Variants in NOTCH2NLB observed in about 807,000 individuals in gnomAD.
NOTCH2NLB encodes notch 2 N-terminal like B.
In NOTCH2NLB, 1 loss-of-function variant was observed where a neutral mutation model predicts 14.8. That is an observed-to-expected ratio of 0.07 (90% CI 0.02 to 0.32). NOTCH2NLB has a LOEUF of 0.32. NOTCH2NLB is among the 10% of genes least tolerant of loss of function. NOTCH2NLB has a pLI of 1.00. For synonymous variants in NOTCH2NLB, 6 were observed against 57.5 expected, an observed-to-expected ratio of 0.10 and a Z score of 4.05; for missense variants, 11 against 155.0, an observed-to-expected ratio of 0.07 and a Z score of 4.93.
chr1:148,674,711 A>G (rs1172929210), intron 1 of NOTCH2NLB, among the ~76,000 whole-genome samples: 1 of 90,194 alleles, frequency 1.1e-5, no homozygotes, highest in Non-Finnish European at 2.4e-5. Context: ...CTGTAGTACA[A>G]AGAAATGTGT....
At chr1:148,610,421 T>G (rs1396667924) in intron 3 of NOTCH2NLB, among the ~76,000 whole-genome samples, 1 of 127,350 alleles carries the variant, frequency 7.9e-6, no homozygotes, top group African/African-American at 3.3e-5. Flanking sequence ...GAATCAACCC[T>G]GAATTTGGTT....
At position 148,637,235 on chromosome 1, in the gene NOTCH2NLB, A is replaced by G. The variant is rs1222453415; in HGVS notation, c.77+2781T>C. Among the ~76,000 whole-genome samples the G allele has an allele frequency of 2.1e-5, 3 of 143,310 alleles. 1 individual carries two copies. The highest frequency in any genetic ancestry group is 4.6e-5 in the Non-Finnish European group (3 of 65,516). The allele number at this position is 143,310 out of a possible 152,430, so 94.0% of individuals were successfully genotyped here. A position where few individuals can be genotyped will look rare whatever the true frequency, so the allele number is the denominator to read the frequency against. On this transcript the variant is annotated intron_variant, in intron 2 of 4. Coordinates refer to ENST00000593495, the Ensembl canonical transcript of NOTCH2NLB. ...AGGTGCGTGCCACCACGCCCAGCTA[A>G]TTTTTTGCATTTTTAGTAGAGATGG... is the stretch of plus-strand genomic sequence containing the variant.
chr1:148,661,297 T>TA (rs1158055796), intron 1 of NOTCH2NLB, among the ~76,000 whole-genome samples: 2 of 149,322 alleles, frequency 1.3e-5, no homozygotes, highest in East Asian at 1.9e-4. Context: ...GGCACTATTA[T>TA]AAAAAAAGTT....
chr1:148,625,339 CTTTT>C lies in NOTCH2NLB; in HGVS notation c.78-9393_78-9390del, dbSNP rs1156615359. 1.0e-4 allele frequency among the ~76,000 whole-genome samples: 6 copies of C among 59,874 alleles called. 2 individuals are homozygous for C. Among genetic ancestry groups the C allele is most frequent in the Non-Finnish European group, 1.9e-4 (6 of 32,254 alleles). 39.3% of individuals were successfully genotyped at this position (59,874 alleles called of 152,430 possible). Reference sequence around the variant, plus strand: ...GGCTTTGCTGCAGCTCTGTCTTTAGCTTTTTTTTTTTTTTTTTTTTAAAACGAGG... The same window carrying C: ...GGCTTTGCTGCAGCTCTGTCTTTAGCTTTTTTTTTTTTTTTTAAAACGAGG... On this transcript the variant is annotated intron_variant, in intron 2 of 4. Coordinates refer to ENST00000593495, the Ensembl canonical transcript of NOTCH2NLB.
chr1:148,680,719 G>A (rs1664921753), upstream of NOTCH2NLB, among the ~76,000 whole-genome samples: 1 of 146,748 alleles, frequency 6.8e-6, no homozygotes, highest in African/African-American at 2.4e-5. Context: ...GGGAGACAAA[G>A]TATACCATTT....
intron 1 of NOTCH2NLB, among the ~76,000 whole-genome samples, chr1:148,670,533 A>ATATATATAT (rs1664743280): frequency 4.5e-5 from 1 of 22,064 alleles, no homozygotes; most frequent in African/African-American, 1.7e-4. Context: ...ATAAACTAAA[A>ATATATATAT]AAAAAAATAT....
rs1159790526 is a variant in NOTCH2NLB, at chr1:148,651,144, GAAA to G, written c.4-11058_4-11056del. On this transcript the variant is annotated intron_variant, in intron 1 of 4. Coordinates refer to ENST00000593495, the Ensembl canonical transcript of NOTCH2NLB. ...GGCGACACAGCAAGACTCTGCCTGA[GAAA>G]AAAAAAAAAAAAAAAATATATATAT... 5.1e-3 allele frequency among the ~76,000 whole-genome samples: 386 copies of G among 76,282 alleles called. 1 individual carries two copies. Among genetic ancestry groups the G allele is most frequent in the African/African-American group, 0.013 (225 of 17,990 alleles). 50.0% of individuals were successfully genotyped at this position (76,282 alleles called of 152,430 possible).
chr1:148,654,732 A>T lies in NOTCH2NLB; in HGVS notation c.4-14643T>A, dbSNP rs1664518596. The stretch of plus-strand genomic sequence containing the variant: ...CTGACACAACATATAGCAAACGTGG[A>T]TCTTGAAATGGGAGATAAATTAAAA... On this transcript the variant is annotated intron_variant, in intron 1 of 4. Coordinates refer to ENST00000593495, the Ensembl canonical transcript of NOTCH2NLB. Among the ~76,000 whole-genome samples, 8 of 96,654 alleles carry T rather than the reference A, an allele frequency of 8.3e-5. 2 individuals carry two copies. Among genetic ancestry groups the T allele is most frequent in the Admixed American group, 7.9e-4 (8 of 10,150 alleles). The allele number at this position is 96,654 out of a possible 152,430, so 63.4% of individuals were successfully genotyped here.
intron 1 of NOTCH2NLB, among the ~76,000 whole-genome samples, chr1:148,670,559 T>C (rs1398946672): frequency 7.2e-6 from 1 of 138,314 alleles, no homozygotes; most frequent in East Asian, 2.2e-4. Context: ...TATACATATA[T>C]ATATATATAT....
At chr1:148,651,160 A>ATATATATAT (rs1277364573) in intron 1 of NOTCH2NLB, among the ~76,000 whole-genome samples, 35 of 46,580 alleles carry the variant, frequency 7.5e-4, no homozygotes, top group African/African-American at 1.9e-3. Context: ...AAAAAAAAAA[A>ATATATATAT]AAATATATAT....
intron 2 of NOTCH2NLB, among the ~76,000 whole-genome samples, chr1:148,637,506 G>A (rs1384248513): frequency 6.9e-6 from 1 of 145,620 alleles, no homozygotes; most frequent in Non-Finnish European, 1.5e-5. Flanking sequence ...CAAGTTGAAT[G>A]ATCTTCAAAT....
intron 1 of NOTCH2NLB, among the ~76,000 whole-genome samples, chr1:148,645,893 T>C (rs1664361182): frequency 6.6e-6 from 1 of 150,612 alleles, no homozygotes; most frequent in Non-Finnish European, 1.5e-5. Flanking sequence ...TTTGAAGCAA[T>C]GCAGTTAAGC....
chr1:148,638,292 C>T (rs1224722485), intron 2 of NOTCH2NLB, among the ~76,000 whole-genome samples: 3 of 149,214 alleles, frequency 2.0e-5, no homozygotes, highest in Non-Finnish European at 3.0e-5. Flanking sequence ...ACAATAACTA[C>T]ACCAGGCACT....
At chr1:148,634,668 A>AT (rs1664184919) in intron 2 of NOTCH2NLB, among the ~76,000 whole-genome samples, 1 of 26,888 alleles carries the variant, frequency 3.7e-5, no homozygotes, top group African/African-American at 1.3e-4. Context: ...GGCAAGGAGA[A>AT]TTGTTAGCTG....
At chr1:148,688,071 TAAAAC>T in the NOTCH2NLB span, among the ~76,000 whole-genome samples, 15 of 113,152 alleles carry the variant, frequency 1.3e-4, no homozygotes, top group Admixed American at 9.5e-4. Flanking sequence ...AAACAAAAAT[TAAAAC>T]AAACAATAAC....
intron 2 of NOTCH2NLB, among the ~76,000 whole-genome samples, chr1:148,638,607 C>T (rs1271700972): frequency 1.3e-4 from 19 of 149,342 alleles, no homozygotes; most frequent in Admixed American, 9.9e-4. Flanking sequence ...CCATAATAAG[C>T]TACATAAAAC....
At chr1:148,658,549 A>ATTTTTTTTT (rs1664569615) in intron 1 of NOTCH2NLB, among the ~76,000 whole-genome samples, 3 of 31,104 alleles carry the variant, frequency 9.6e-5, no homozygotes, top group Non-Finnish European at 1.4e-4. Flanking sequence ...GCCCAATACC[A>ATTTTTTTTT]CTTTTTTTTT....
downstream of NOTCH2NLB, among the ~76,000 whole-genome samples, chr1:148,604,973 AC>A (rs1663464124): frequency 1.4e-5 from 2 of 146,698 alleles, no homozygotes; most frequent in East Asian, 2.0e-4. Flanking sequence ...ACACACACAC[AC>A]ACACACACAC....
At chr1:148,679,794 C>T (rs1432906066), upstream of NOTCH2NLB, 2 of 376,440 alleles carry the variant, frequency 5.3e-6, no homozygotes, top group African/African-American at 4.9e-5. Context: ...GTCCTTCCGC[C>T]TCAGCCGCCT....
Sources: gnomAD v4.1 joint callset for allele counts (sites outside exome capture counted in the v4.1 genomes callset) on GRCh38, gnomAD v4.1.1 for gene constraint, MANE v1.5 for transcripts, NCBI Gene and HGNC (gene_info 2026-07-23, HGNC 2026-07-21) for gene names.